The following B3GLCT variants were observed in gnomAD, a reference collection of about 807,000 sequenced individuals.
The protein encoded by B3GLCT is beta 3-glucosyltransferase.
In B3GLCT, 65 loss-of-function variants were observed where a neutral mutation model predicts 63.4. The ratio of observed to expected loss-of-function variants is 1.03; its 90% CI spans 0.84 to 1.26. B3GLCT has a LOEUF of 1.26. Among genes scored for constraint, B3GLCT ranks in the 50% most tolerant of loss-of-function variants. The pLI, the probability that B3GLCT is intolerant of heterozygous loss-of-function variation, is 0.00. For synonymous variants in B3GLCT, 233 were observed against 219.2 expected (o/e 1.06, Z -0.55); for missense variants, 577 against 604.8 (o/e 0.95, Z 0.48).
intron 1 of B3GLCT, among the ~76,000 whole-genome samples, chr13:31,202,133 A>G (rs140823460): frequency 6.6e-6 from 1 of 152,364 alleles, no homozygotes; most frequent in Non-Finnish European, 1.5e-5. Context: ...AACAATCTTG[A>G]TAGTTTATAA....
At chr13:31,264,199 C>T (rs912996520) in intron 7 of B3GLCT, among the ~76,000 whole-genome samples, 1 of 152,092 alleles carries the variant, frequency 6.6e-6, no homozygotes, top group African/African-American at 2.4e-5. Flanking sequence ...GGACTTCAGC[C>T]TATGAATTTG....
At chr13:31,279,984 G>A (rs180904596) in intron 10 of B3GLCT, among the ~76,000 whole-genome samples, 2 of 152,302 alleles carry the variant, frequency 1.3e-5, no homozygotes, top group East Asian at 3.9e-4. Context: ...CCTACAGGCA[G>A]ACAGACTTTA....
intron 12 of B3GLCT, among the ~76,000 whole-genome samples, chr13:31,291,479 T>A (rs919258968): frequency 2.0e-5 from 3 of 152,234 alleles, no homozygotes; most frequent in Non-Finnish European, 4.4e-5. Context: ...TTTTTTCATT[T>A]GTTTGTGTCC....
At chr13:31,230,443 G>T (rs767248550) in intron 4 of B3GLCT, among the ~76,000 whole-genome samples, 69 of 152,326 alleles carry the variant, frequency 4.5e-4, no homozygotes, top group Admixed American at 2.5e-3. Flanking sequence ...CTCTTCATGG[G>T]TATTGGAAAA....
In B3GLCT at chr13:31,300,370, C is replaced by T. The variant is rs116884812; in HGVS notation, c.1064+13551C>T. ...CATTTCAGATATAAATGTAATTGCCCGATGTGTTCTTCCTGCCTGCTGCAC... is the reference window on the plus strand; with the variant it reads ...CATTTCAGATATAAATGTAATTGCCTGATGTGTTCTTCCTGCCTGCTGCAC... On this transcript the variant is annotated intron_variant, in intron 12 of 14. Coordinates refer to ENST00000343307, the MANE Select transcript of B3GLCT (RefSeq NM_194318.4). Among the ~76,000 whole-genome samples the T allele has an allele frequency of 2.4e-3, 359 of 152,222 alleles. 8 individuals are homozygous for T. The East Asian group carries it at 0.027, about 11-fold the overall frequency.
chr13:31,214,205 C>G (rs913773682), intron 1 of B3GLCT, among the ~76,000 whole-genome samples: 10 of 152,184 alleles, frequency 6.6e-5, no homozygotes, highest in African/African-American at 2.4e-4. Context: ...ATGTCATTGC[C>G]TTTTACTCCT....
chr13:31,211,337 G>A (rs180831906), intron 1 of B3GLCT, among the ~76,000 whole-genome samples: 5 of 152,190 alleles, frequency 3.3e-5, no homozygotes, highest in East Asian at 1.9e-4. Context: ...TGGAGGTTGC[G>A]TTGAGTTGAG....
chr13:31,261,707 G>A (rs1872041229), intron 7 of B3GLCT, among the ~76,000 whole-genome samples: 2 of 152,214 alleles, frequency 1.3e-5, no homozygotes, highest in African/African-American at 2.4e-5. Flanking sequence ...GGAATGGAAA[G>A]TTGATAAAGC....
At chr13:31,319,369 A>G (rs939954147) in intron 13 of B3GLCT, among the ~76,000 whole-genome samples, 1 of 115,196 alleles carries the variant, frequency 8.7e-6, no homozygotes, top group Admixed American at 9.4e-5. Context: ...TCTCAGCTCC[A>G]TGCTCAGCCT....
chr13:31,219,558 C>T (rs1204827206), intron 2 of B3GLCT, among the ~76,000 whole-genome samples: 2 of 152,116 alleles, frequency 1.3e-5, no homozygotes, highest in African/African-American at 4.8e-5. Context: ...GTCACGAGAA[C>T]CAAAGTGTTG....
intron 4 of B3GLCT, among the ~76,000 whole-genome samples, chr13:31,237,651 C>T (rs188050429): frequency 6.8e-4 from 103 of 152,130 alleles, no homozygotes; most frequent in African/African-American, 2.3e-3. Context: ...CACCATGCCC[C>T]GTCTACTGGA....
intron 13 of B3GLCT, among the ~76,000 whole-genome samples, chr13:31,323,170 A>T (rs1875415877): frequency 6.6e-6 from 1 of 152,166 alleles, no homozygotes; most frequent in Non-Finnish European, 1.5e-5. Context: ...CAGCATGTGG[A>T]ATCAGTATTT....
chr13:31,261,772 G>A (rs1872043907), intron 7 of B3GLCT, among the ~76,000 whole-genome samples: 3 of 152,118 alleles, frequency 2.0e-5, no homozygotes, highest in Non-Finnish European at 4.4e-5. Flanking sequence ...TAAGTGTCCT[G>A]TCTCTAGGAT....
intron 11 of B3GLCT, 65 bp downstream of exon 11, chr13:31,284,826 G>A (rs1333086683): frequency 2.0e-6 from 2 of 983,714 alleles, no homozygotes; most frequent in African/African-American, 1.6e-5. Flanking sequence ...AGTAAATTAG[G>A]TTAGGATAAA....
At chr13:31,294,179 G>A (rs536318582) in intron 12 of B3GLCT, among the ~76,000 whole-genome samples, 10 of 152,172 alleles carry the variant, frequency 6.6e-5, no homozygotes, top group African/African-American at 1.4e-4. Flanking sequence ...TGGGAGATCC[G>A]CTGTTTGTCT....
intron 6 of B3GLCT, among the ~76,000 whole-genome samples, chr13:31,256,572 C>T (rs1361975855): frequency 6.6e-6 from 1 of 152,168 alleles, no homozygotes; most frequent in African/African-American, 2.4e-5. Context: ...CACATATACA[C>T]CATGGAATAC....
intron 4 of B3GLCT, among the ~76,000 whole-genome samples, chr13:31,232,365 A>T (rs1045873430): frequency 6.6e-6 from 1 of 152,176 alleles, no homozygotes; most frequent in African/African-American, 2.4e-5. Context: ...ACTTTCAATC[A>T]TGGCAGAAGG....
chr13:31,262,800 G>T (rs1203642217), intron 7 of B3GLCT, among the ~76,000 whole-genome samples: 1 of 152,150 alleles, frequency 6.6e-6, no homozygotes, highest in Non-Finnish European at 1.5e-5. Flanking sequence ...CTCGGCCACA[G>T]GAGGCTTCCT....
At chr13:31,316,407 T>TTATATATACATATATATATATATATA (rs1555255280) in intron 12 of B3GLCT, among the ~76,000 whole-genome samples, 2 of 40,866 alleles carry the variant, frequency 4.9e-5, no homozygotes, top group African/African-American at 1.3e-4. Flanking sequence ...TTTGGAGGTT[T>TTATATATACATATATATATATATATA]TATATATATA....
Sources: gnomAD v4.1 joint callset for allele counts (sites outside exome capture counted in the v4.1 genomes callset) on GRCh38, gnomAD v4.1.1 for gene constraint, MANE v1.5 for transcripts, NCBI Gene and HGNC (gene_info 2026-07-23, HGNC 2026-07-21) for gene names.